Variants in NBEAL2 observed in about 807,000 individuals in gnomAD.
The protein encoded by NBEAL2 is neurobeachin-like protein 2.
NBEAL2 carries 160 observed loss-of-function variants against 299.8 expected under a neutral mutation model. The observed-to-expected ratio is 0.53, with a 90% confidence interval of 0.47 to 0.61. The LOEUF is 0.61. NBEAL2 is among the 20% of genes least tolerant of loss of function. NBEAL2 has a pLI of 0.00. For synonymous variants in NBEAL2, 1,493 were observed against 1,542.3 expected, an observed-to-expected ratio of 0.97 and a Z score of 0.75; for missense variants, 3,112 against 3,649.0, an observed-to-expected ratio of 0.85 and a Z score of 3.79.
chr3:46,990,512 C>T (rs917591353), intron 6 of NBEAL2, among the ~76,000 whole-genome samples: 1 of 152,196 alleles, frequency 6.6e-6, no homozygotes, highest in African/African-American at 2.4e-5. Context: ...GTGCCTTCTC[C>T]CCTCCAACTG....
chr3:46,981,651 C>G (rs2035350788), intron 1 of NBEAL2, among the ~76,000 whole-genome samples: 1 of 152,158 alleles, frequency 6.6e-6, no homozygotes, highest in Admixed American at 6.5e-5. Flanking sequence ...CCCTAGTCCT[C>G]CTTCCTCGGA....
rs2035807042 is a variant in NBEAL2, at chr3:46,988,112, A to G, written c.52-557A>G. Reference sequence around the variant, plus strand: ...AAGGGTGGGTGGAGGTTCCCGGGGCAAGGCAGGGCCGCACATGAGGATGTG... The same window carrying G: ...AAGGGTGGGTGGAGGTTCCCGGGGCGAGGCAGGGCCGCACATGAGGATGTG... On this transcript the variant is annotated intron_variant, in intron 1 of 53. Coordinates refer to ENST00000450053, the MANE Select transcript of NBEAL2 (RefSeq NM_015175.3). The surrounding 1 kb of genome is among the most constrained non-coding windows in gnomAD (Gnocchi z 4.4). 1 of 1,177,182 alleles carries G rather than the reference A, an allele frequency of 8.5e-7. No homozygotes were observed. The highest frequency in any genetic ancestry group is 1.1e-6 in the Non-Finnish European group (1 of 927,734). 72.9% of individuals were successfully genotyped at this position (1,177,182 alleles called of 1,614,324 possible). A position where few individuals can be genotyped will look rare whatever the true frequency, so the allele number is the denominator to read the frequency against.
intron 1 of NBEAL2, among the ~76,000 whole-genome samples, chr3:46,984,336 C>T (rs1169119541): frequency 6.6e-6 from 1 of 152,042 alleles, no homozygotes; most frequent in African/African-American, 2.4e-5. Context: ...AACAATAGTA[C>T]AAGGGGATGG....
rs1257325499 is a variant in NBEAL2, at chr3:47,000,155, C to G, written c.4056C>G (p.Phe1352Leu). The G allele has an allele frequency of 1.9e-6, 3 of 1,613,756 alleles. No homozygotes were observed. Among genetic ancestry groups the G allele is most frequent in the Non-Finnish European group, 2.5e-6 (3 of 1,179,902 alleles). Residue 1352 changes from phenylalanine to leucine, a missense_variant, in exon 27 of 54, where the codon TTC (phenylalanine) becomes TTG (leucine). Phe to Leu is a conservative substitution (Grantham distance 22). Transcript: ENST00000450053. This position sits in a 1 kb window ranked among gnomAD's most constrained non-coding sequence, Gnocchi z 4.5. ...GCTTTTACCATGCTCTCTCCCCATT[C>G]TGCACGCCCTTTGACCTGGGCCTGG... Reference protein sequence around the residue: ...PDGFYHALSPFCTPFDLGLER... With the variant: ...PDGFYHALSPLCTPFDLGLER...
intron 47 of NBEAL2, 56 bp downstream of exon 47, chr3:47,007,406 T>C (rs1575629180): frequency 1.9e-6 from 3 of 1,557,930 alleles, no homozygotes; most frequent in Non-Finnish European, 2.6e-6. Context: ...CCCGGAATTA[T>C]TCCCCTCCCT....
Position 46,988,394 on chromosome 3 carries a change from T to C in NBEAL2, c.52-275T>C, listed in dbSNP as rs1180459084. Among the ~76,000 whole-genome samples the C allele has an allele frequency of 2.6e-5, 4 of 151,908 alleles. No individual in the cohort carries two copies. Among genetic ancestry groups the C allele is most frequent in the African/African-American group, 9.7e-5 (4 of 41,326 alleles). ...CCTAGGACTGCAGGCATTAGGGAGG[T>C]GGGAGCAGAAACTGGGAGGCTGAGA... On this transcript the variant is annotated intron_variant, in intron 1 of 53. Coordinates refer to ENST00000450053, the MANE Select transcript of NBEAL2 (RefSeq NM_015175.3). The surrounding 1 kb of genome is among the most constrained non-coding windows in gnomAD (Gnocchi z 4.4).
Position 46,979,783 on chromosome 3 carries a change from C to G in NBEAL2, c.-79C>G, listed in dbSNP as rs994224814. On this transcript the variant is annotated 5_prime_UTR_variant, in exon 1 of 54. Transcript: ENST00000450053. ...GGAGTGACGCCCTCCGCCCATGGGCCTGGCCGAGGGCAACCGGCGGGCGGC... is the reference window on the plus strand; with the variant it reads ...GGAGTGACGCCCTCCGCCCATGGGCGTGGCCGAGGGCAACCGGCGGGCGGC... 2.7e-6 allele frequency: 1 copy of G among 374,068 alleles called. No homozygotes were observed. Among genetic ancestry groups the G allele is most frequent in the African/African-American group, 2.1e-5 (1 of 46,922 alleles). The allele number at this position is 374,068 out of a possible 1,614,324, so 23.2% of individuals were successfully genotyped here.
Position 47,001,320 on chromosome 3 carries a change from A to G in NBEAL2, c.4526A>G (p.Lys1509Arg), listed in dbSNP as rs2036970287. ...CTGGAGTCAGCCCTGACCGACATCA[A>G]AGAGGCCCCCGTGGGGGTCCTGGCC... ...MMLESALTDI[K>R]EAPVGVLASL... Residue 1509 changes from lysine (K) to arginine (R), a missense_variant, in exon 29 of 54, where the codon AAA becomes AGA. Around this residue, in one of 3 missense-constraint regions of NBEAL2, gnomAD observed 2,243 missense variants for 2,538.1 expected, o/e 0.88. Transcript: ENST00000450053. The surrounding 1 kb of genome is among the most constrained non-coding windows in gnomAD (Gnocchi z 6.1). 1.9e-6 allele frequency: 3 copies of G among 1,612,838 alleles called. No individual in the cohort carries two copies. The highest frequency in any genetic ancestry group is 2.5e-6 in the Non-Finnish European group (3 of 1,179,356).
chr3:47,003,320 C>T lies in NBEAL2; in HGVS notation c.5720+11C>T, dbSNP rs753833283. On this transcript the variant is annotated intron_variant, in intron 35 of 53. Coordinates refer to ENST00000450053, the MANE Select transcript of NBEAL2 (RefSeq NM_015175.3). The surrounding 1 kb of genome is among the most constrained non-coding windows in gnomAD (Gnocchi z 7.0). ...TGAGCTGGAGACCCCGTGAGTGGGG[C>T]CCTGGAGAGATTGGACTGGTGTGGT... 1.2e-6 allele frequency: 2 copies of T among 1,609,662 alleles called. No individual in the cohort carries two copies. Among genetic ancestry groups the T allele is most frequent in the African/African-American group, 1.3e-5 (1 of 74,876 alleles).
rs1219946050 is a variant in NBEAL2, at chr3:47,000,321, A to T, written c.4222A>T (p.Ser1408Cys). Residue 1408 changes from serine to cysteine, a missense_variant, in exon 27 of 54, where the codon AGT (serine) becomes TGT (cysteine). This residue lies in a region of NBEAL2 where 2,243 missense variants were observed against 2,538.1 expected (regional missense o/e 0.88). Transcript: ENST00000450053. The surrounding 1 kb of genome is among the most constrained non-coding windows in gnomAD (Gnocchi z 4.5). ...FPAAPGRHSS[S>C]LSNVLEDGSL... ...TGCTGCTCCTGGCCGCCACAGCTCC[A>T]GTCTCTCCAATGTGCTGGAGGACGG... 6.2e-7 allele frequency: 1 copy of T among 1,611,372 alleles called. No individual in the cohort carries two copies. The highest frequency in any genetic ancestry group is 8.5e-7 in the Non-Finnish European group (1 of 1,178,894).
At chr3:46,997,798 G>A in intron 20 of NBEAL2, 104 bp downstream of exon 20, 6 of 1,396,302 alleles carry the variant, frequency 4.3e-6, no homozygotes, top group Non-Finnish European at 5.6e-6. Flanking sequence ...CCTCCTGGGA[G>A]AGTTGCCACT....
chr3:46,999,348 C>T lies in NBEAL2; in HGVS notation c.3577C>T (p.Pro1193Ser). 1 of 1,610,856 alleles carries T rather than the reference C, an allele frequency of 6.2e-7. No homozygotes were observed. Residue 1193 changes from proline (P) to serine (S), a missense_variant, in exon 25 of 54, where the codon CCT becomes TCT. Pro to Ser is a moderately conservative substitution (Grantham distance 74, BLOSUM62 -1). Around this residue, in one of 3 missense-constraint regions of NBEAL2, gnomAD observed 2,243 missense variants for 2,538.1 expected, o/e 0.88. Transcript: ENST00000450053. ...LRRLQQNERL[P>S]ERSRQRLRLR... ...CAGACTGCAGCAGAATGAGCGGCTA[C>T]CTGAGCGGAGCCGCCAGCGCCTCCG...
chr3:46,998,111 G>A lies in NBEAL2; in HGVS notation c.3003G>A (p.Gln1001=). The A allele has an allele frequency of 6.3e-7, 1 of 1,584,710 alleles. No individual in the cohort carries two copies. Among genetic ancestry groups the A allele is most frequent in the Non-Finnish European group, 8.6e-7 (1 of 1,165,316 alleles). ...AMDMNVLMSA[Q]LLMEQVAAEG... Reference sequence around the variant, plus strand: ...ACATGAACGTGCTCATGTCCGCCCAGCTGCTGATGGAGCAGGTGGCAGCTG... The same window carrying A: ...ACATGAACGTGCTCATGTCCGCCCAACTGCTGATGGAGCAGGTGGCAGCTG... Residue 1001 remains glutamine, a synonymous_variant, in exon 21 of 54, where the codon CAG becomes CAA. Coordinates refer to ENST00000450053, the MANE Select transcript of NBEAL2 (RefSeq NM_015175.3).
At position 47,004,852 on chromosome 3, in the gene NBEAL2, T is replaced by G; in HGVS notation, c.6295-120T>G. The G allele has an allele frequency of 7.0e-7, 1 of 1,435,486 alleles. No individual in the cohort carries two copies. Among genetic ancestry groups the G allele is most frequent in the Non-Finnish European group, 9.4e-7 (1 of 1,061,528 alleles). The allele number at this position is 1,435,486 out of a possible 1,614,324, so 88.9% of individuals were successfully genotyped here. On this transcript the variant is annotated intron_variant, in intron 38 of 53. Transcript: ENST00000450053. This position sits in a 1 kb window ranked among gnomAD's most constrained non-coding sequence, Gnocchi z 5.0. ...CCTTCTCCCCTGTGACCCCTCTAAGTGGTGCTCCCCCAACCTGTGGGCAGG... is the reference window on the plus strand; with the variant it reads ...CCTTCTCCCCTGTGACCCCTCTAAGGGGTGCTCCCCCAACCTGTGGGCAGG...
chr3:46,991,311 TG>T lies in NBEAL2; in HGVS notation c.642+10del. 6.3e-7 allele frequency: 1 copy of T among 1,597,806 alleles called. No individual in the cohort carries two copies. Among genetic ancestry groups the T allele is most frequent in the Non-Finnish European group, 8.5e-7 (1 of 1,171,930 alleles). On this transcript the variant is annotated splice_region_variant and intron_variant, in intron 7 of 53. Transcript: ENST00000450053. This position sits in a 1 kb window ranked among gnomAD's most constrained non-coding sequence, Gnocchi z 6.2. Reference sequence around the variant, plus strand: ...CGTCCTCGCTGGAGGAAAGGTAGGCTGGGAGGTGAGCCTGTGGACTAGAGAG... The same window carrying T: ...CGTCCTCGCTGGAGGAAAGGTAGGCTGGAGGTGAGCCTGTGGACTAGAGAG...
At position 47,004,330 on chromosome 3, in the gene NBEAL2, C is replaced by T. The variant is rs1297047007; in HGVS notation, c.6135C>T (p.Pro2045=). The change falls in exon 37 of 54, where the codon CCC becomes CCT. Residue 2045 remains proline, a synonymous_variant. Transcript: ENST00000450053. The surrounding 1 kb of genome is among the most constrained non-coding windows in gnomAD (Gnocchi z 5.0). ...CGTGGCTCCTGCGCCTACGGCCCCC[C>T]TCTCAAGGCTACCTAAGCAGCCGCT... is the stretch of plus-strand genomic sequence containing the variant. ...VYSWLLRLRP[P]SQGYLSSRSP... 1.2e-6 allele frequency: 2 copies of T among 1,609,730 alleles called. No individual in the cohort carries two copies. Among genetic ancestry groups the T allele is most frequent in the Non-Finnish European group, 1.7e-6 (2 of 1,177,306 alleles).
chr3:47,006,119 G>A, intron 43 of NBEAL2, 46 bp from the exon 44 acceptor site: 4 of 1,612,908 alleles, frequency 2.5e-6, no homozygotes, highest in Non-Finnish European at 3.4e-6. Flanking sequence ...TCGGGTGGAT[G>A]CAGAGGGCAC....
chr3:46,995,155 C>T lies in NBEAL2; in HGVS notation c.1420C>T (p.Arg474Cys), dbSNP rs774505879. Residue 474 changes from arginine to cysteine, a missense_variant, in exon 13 of 54, where the codon CGC (arginine) becomes TGC (cysteine). Around this residue, in one of 3 missense-constraint regions of NBEAL2, gnomAD observed 2,243 missense variants for 2,538.1 expected, o/e 0.88. Transcript: ENST00000450053. ...TAELRLFLAQ[R>C]LRWLCDSCPA... ...TGAGCTGCGGCTCTTCCTAGCGCAA[C>T]GCCTCAGGTGGCTCTGTGACAGCTG... 2.5e-5 allele frequency: 40 copies of T among 1,571,950 alleles called. No individual in the cohort carries two copies. The highest frequency in any genetic ancestry group is 1.4e-4 in the African/African-American group (10 of 73,886).
chr3:47,004,995 C>A lies in NBEAL2; in HGVS notation c.6318C>A (p.Tyr2106Ter). 6.2e-7 allele frequency: 1 copy of A among 1,610,240 alleles called. No homozygotes were observed. Among genetic ancestry groups the A allele is most frequent in the Non-Finnish European group, 8.5e-7 (1 of 1,178,444 alleles). ...YPVFPWVLQD[Y>*]VSPTLDLSNP... The stretch of plus-strand genomic sequence containing the variant: ...AGTTCCCCTGGGTCCTGCAGGACTA[C>A]GTGTCCCCAACCCTGGACCTCAGCA... The change falls in exon 39 of 54, where the codon TAC becomes TAA. Residue 2106 changes from tyrosine to a stop codon, truncating the protein, a stop_gained. Coordinates refer to ENST00000450053, the MANE Select transcript of NBEAL2 (RefSeq NM_015175.3). LOFTEE classifies it high-confidence loss of function. The surrounding 1 kb of genome is among the most constrained non-coding windows in gnomAD (Gnocchi z 5.0).
Sources: gnomAD v4.1 joint callset for allele counts (sites outside exome capture counted in the v4.1 genomes callset) on GRCh38, gnomAD v4.1.1 for gene constraint, gnomAD v4.1.1 regional missense constraint, Gnocchi (gnomAD v3.1) non-coding constraint, MANE v1.5 for transcripts, NCBI Gene and HGNC (gene_info 2026-07-23, HGNC 2026-07-21) for gene names.